ASIC2: variants seen among roughly 807,000 people sequenced by gnomAD.
ASIC2 encodes the protein acid sensing ion channel subunit 2.
In ASIC2, 25 loss-of-function variants were observed where a neutral mutation model predicts 57.3. The observed-to-expected ratio is 0.44, with a 90% CI of 0.32 to 0.61. ASIC2 has a LOEUF of 0.61. Among genes scored for constraint, ASIC2 ranks in the 20% least tolerant of loss-of-function variants. The pLI is 0.06. For synonymous variants in ASIC2, 319 were observed against 307.5 expected (o/e 1.04, Z -0.39); for missense variants, 641 against 738.1 (o/e 0.87, Z 1.52).
chr17:33,583,674 G>A (rs1243095533), intron 1 of ASIC2, among the ~76,000 whole-genome samples: 1 of 152,180 alleles, frequency 6.6e-6, no homozygotes, highest in East Asian at 1.9e-4. Context: ...TATAGAAGGA[G>A]AGGGGACTGT....
chr17:33,339,610 T>G (rs1269946758), intron 1 of ASIC2, among the ~76,000 whole-genome samples: 1 of 152,146 alleles, frequency 6.6e-6, no homozygotes, highest in African/African-American at 2.4e-5. Flanking sequence ...CCCGGCACGG[T>G]GTCTTGCCCT....
At chr17:33,385,593 T>G (rs1909645145) in intron 1 of ASIC2, among the ~76,000 whole-genome samples, 1 of 152,252 alleles carries the variant, frequency 6.6e-6, no homozygotes, top group East Asian at 1.9e-4. Context: ...ATAAAAGGAT[T>G]TCATTACTAA....
At chr17:33,069,944 C>T (rs1367669014) in intron 3 of ASIC2, among the ~76,000 whole-genome samples, 1 of 152,070 alleles carries the variant, frequency 6.6e-6, no homozygotes, top group Non-Finnish European at 1.5e-5. Flanking sequence ...CCTCCAACTG[C>T]AGTAAATGAA....
intron 1 of ASIC2, among the ~76,000 whole-genome samples, chr17:33,918,802 G>A (rs745979328): frequency 1.3e-5 from 2 of 152,222 alleles, no homozygotes; most frequent in Non-Finnish European, 2.9e-5. Flanking sequence ...GGCTTGATCT[G>A]GAGAAGCTGG....
chr17:33,603,385 C>G (rs1273351521), intron 1 of ASIC2, among the ~76,000 whole-genome samples: 1 of 150,614 alleles, frequency 6.6e-6, no homozygotes, highest in Non-Finnish European at 1.5e-5. Context: ...CACAAAGGCA[C>G]CATTAACTGC....
intron 1 of ASIC2, among the ~76,000 whole-genome samples, chr17:33,470,865 C>G (rs918485002): frequency 7.1e-6 from 1 of 141,508 alleles, no homozygotes; most frequent in African/African-American, 2.7e-5. Context: ...CCCCTGTGGG[C>G]CCTGCTTCTC....
At chr17:33,317,271 C>T (rs190795526) in intron 1 of ASIC2, among the ~76,000 whole-genome samples, 4 of 151,406 alleles carry the variant, frequency 2.6e-5, no homozygotes, top group African/African-American at 9.8e-5. Context: ...ATGCTGTGAG[C>T]AGTTCCTCCT....
intron 1 of ASIC2, among the ~76,000 whole-genome samples, chr17:33,799,451 T>TTTCTTTC (rs1567719172): frequency 7.0e-5 from 7 of 100,592 alleles, no homozygotes; most frequent in African/African-American, 2.3e-4. Context: ...TCTTTCTTTC[T>TTTCTTTC]TTCTTTCTTT....
At chr17:33,528,111 G>A (rs573640522) in intron 1 of ASIC2, among the ~76,000 whole-genome samples, 10 of 150,452 alleles carry the variant, frequency 6.6e-5, no homozygotes, top group South Asian at 2.1e-4. Context: ...CCACGCCCTC[G>A]TAGGAGGTGG....
intron 1 of ASIC2, among the ~76,000 whole-genome samples, chr17:33,735,963 G>T (rs958940995): frequency 6.6e-6 from 1 of 151,970 alleles, no homozygotes; most frequent in East Asian, 1.9e-4. Flanking sequence ...ATAAATGAAC[G>T]GCTTCAAGAT....
At chr17:33,614,586 G>A (rs1221722522) in intron 1 of ASIC2, among the ~76,000 whole-genome samples, 1 of 152,068 alleles carries the variant, frequency 6.6e-6, no homozygotes, top group Non-Finnish European at 1.5e-5. Context: ...TTTATTTTTT[G>A]AAAACTTATC....
chr17:33,058,875 T>C (rs1002643140), intron 3 of ASIC2, among the ~76,000 whole-genome samples: 1 of 152,138 alleles, frequency 6.6e-6, no homozygotes, highest in African/African-American at 2.4e-5. Flanking sequence ...CAAAAACAGA[T>C]AAAGCAATTC....
At chr17:33,472,014 A>G (rs1368182432) in intron 1 of ASIC2, among the ~76,000 whole-genome samples, 9 of 108,032 alleles carry the variant, frequency 8.3e-5, no homozygotes, top group Non-Finnish European at 1.6e-4. Context: ...TACACCAGGG[A>G]CTTTTCTTTT....
intron 1 of ASIC2, among the ~76,000 whole-genome samples, chr17:33,224,199 T>C (rs1359140508): frequency 6.6e-6 from 1 of 152,224 alleles, no homozygotes; most frequent in African/African-American, 2.4e-5. Context: ...TGTGTTAGAA[T>C]TGGCGTTCTC....
At chr17:33,194,019 G>A (rs1245671037) in intron 1 of ASIC2, among the ~76,000 whole-genome samples, 1 of 152,114 alleles carries the variant, frequency 6.6e-6, no homozygotes, top group Non-Finnish European at 1.5e-5. Flanking sequence ...CAGATCTGCA[G>A]CACCTTGGCA....
chr17:34,039,545 A>G lies in ASIC2; in HGVS notation c.555+116433T>C, dbSNP rs1295307783. 5.0e-6 allele frequency: 8 copies of G among 1,613,782 alleles called. No homozygotes were observed. The Admixed American group carries it at 5.0e-5, about 10-fold the overall frequency. On this transcript the variant is annotated intron_variant, in intron 1 of 9. Transcript: ENST00000359872. ...TTGGATAAGGAATGTTGCAGTGAGG[A>G]TCGTGCAACTGGTGGAACACTTCTG...
chr17:33,579,735 C>G (rs995003846), intron 1 of ASIC2, among the ~76,000 whole-genome samples: 2 of 152,104 alleles, frequency 1.3e-5, no homozygotes, highest in African/African-American at 4.8e-5. Flanking sequence ...GTAGTGCGGA[C>G]CCAAACACTA....
Position 33,590,433 on chromosome 17 carries a change from A to G in ASIC2, c.556-478366T>C, listed in dbSNP as rs143187027. Among the ~76,000 whole-genome samples, 389 of 152,216 alleles carry G rather than the reference A, an allele frequency of 2.6e-3. 5 individuals are homozygous for G. The highest frequency in any genetic ancestry group is 9.1e-3 in the African/African-American group (379 of 41,520). On this transcript the variant is annotated intron_variant, in intron 1 of 9. Transcript: ENST00000359872. ...AGTCATCCCAGCCCCCTGCACAGGT[A>G]CTTCATCATGGTGAGGAACAGGTTT...
At chr17:33,622,451 G>A (rs965906580) in intron 1 of ASIC2, among the ~76,000 whole-genome samples, 1 of 152,142 alleles carries the variant, frequency 6.6e-6, no homozygotes, top group African/African-American at 2.4e-5. Flanking sequence ...TGGAAGCTGA[G>A]TGCAAAATAT....
Sources: allele counts gnomAD v4.1 joint callset (sites outside exome capture counted in the v4.1 genomes callset), GRCh38; gene constraint gnomAD v4.1.1; transcripts MANE v1.5; gene names NCBI Gene and HGNC (gene_info 2026-07-23, HGNC 2026-07-21).